SLC2A5: variants seen among roughly 807,000 people sequenced by gnomAD.
The protein encoded by SLC2A5 is solute carrier family 2, facilitated glucose transporter member 5.
A neutral mutation model predicts 50.3 loss-of-function variants in SLC2A5; 56 were observed. The ratio of observed to expected loss-of-function variants is 1.11; its 90% confidence interval spans 0.90 to 1.39. The LOEUF (loss-of-function observed/expected upper bound fraction) is 1.39. SLC2A5 is among the 40% of genes most tolerant of loss of function. The pLI, the probability that SLC2A5 is intolerant of heterozygous loss-of-function variation, is 0.00. For synonymous variants in SLC2A5, 269 were observed against 281.9 expected (o/e 0.95, Z 0.46); for missense variants, 566 against 650.1 (o/e 0.87, Z 1.41).
In SLC2A5 at chr1:9,057,579, G is replaced by A; in HGVS notation, c.162C>T (p.Tyr54=). 1.9e-6 allele frequency: 3 copies of A among 1,613,268 alleles called. No homozygotes were observed. The highest frequency in any genetic ancestry group is 2.5e-6 in the Non-Finnish European group (3 of 1,179,656). The change falls in exon 3 of 12, where the codon TAC becomes TAT. Residue 54 remains tyrosine, a synonymous_variant. Coordinates refer to ENST00000377424, the MANE Select transcript of SLC2A5 (RefSeq NM_003039.3). ...CCATGAATTCACCGGTCCTACCATA[G>A]TAAGTCTCATTGTAAAATTGTTGCA... is the stretch of plus-strand genomic sequence containing the variant. ...LLMQQFYNET[Y]YGRTGEFMED...
At chr1:9,068,658 G>C (rs1642145503) in intron 1 of SLC2A5, among the ~76,000 whole-genome samples, 1 of 151,908 alleles carries the variant, frequency 6.6e-6, no homozygotes, top group South Asian at 2.1e-4. Flanking sequence ...CACCATGTTG[G>C]CCAGGCTGGT....
chr1:9,037,754 G>C lies in SLC2A5; in HGVS notation c.1338C>G (p.Ala446=), dbSNP rs267598764. The change falls in exon 12 of 12, where the codon GCC becomes GCG. Residue 446 remains alanine, a synonymous_variant. Coordinates refer to ENST00000377424, the MANE Select transcript of SLC2A5 (RefSeq NM_003039.3). ...AGATGGTGGTGAGGAGGCAGATCAC[G>C]GCGAAGACAATGAAGCTGTACGGGC... The part of the protein sequence containing the change: ...GLGPYSFIVF[A]VICLLTTIYI... 1 of 1,614,172 alleles carries C rather than the reference G, an allele frequency of 6.2e-7. No homozygotes were observed. The highest frequency in any genetic ancestry group is 2.2e-5 in the East Asian group (1 of 44,884).
upstream of SLC2A5, among the ~76,000 whole-genome samples, chr1:9,092,840 C>A (rs551503377): frequency 7.9e-5 from 12 of 152,260 alleles, no homozygotes; most frequent in East Asian, 2.3e-3. Context: ...CCTCAGTCTT[C>A]AGGAAAGGTT....
intron 1 of SLC2A5, among the ~76,000 whole-genome samples, chr1:9,061,880 T>C (rs948865948): frequency 6.6e-6 from 1 of 152,140 alleles, no homozygotes; most frequent in African/African-American, 2.4e-5. Context: ...ACCGCTTTGA[T>C]GGGATCCCAG....
chr1:9,084,758 C>G (rs1283977651), intron 2 of SLC2A5, among the ~76,000 whole-genome samples: 6 of 152,194 alleles, frequency 3.9e-5, no homozygotes, highest in Non-Finnish European at 1.5e-5. Flanking sequence ...TTGGGTGGCC[C>G]TGGAACCAGA....
intron 1 of SLC2A5, among the ~76,000 whole-genome samples, chr1:9,088,203 T>C (rs1197278686): frequency 6.6e-6 from 1 of 151,244 alleles, no homozygotes; most frequent in Non-Finnish European, 1.5e-5. Context: ...TTTTCCTTCC[T>C]CTGGAACCCC....
chr1:9,061,058 G>T (rs924715962), intron 1 of SLC2A5, among the ~76,000 whole-genome samples: 1 of 151,952 alleles, frequency 6.6e-6, no homozygotes, highest in Non-Finnish European at 1.5e-5. Context: ...GTTGAGATGG[G>T]TAGACTGCTT....
chr1:9,087,830 C>T (rs1054490716), intron 1 of SLC2A5, among the ~76,000 whole-genome samples: 2 of 152,098 alleles, frequency 1.3e-5, no homozygotes, highest in Non-Finnish European at 2.9e-5. Context: ...GCACTTGCTC[C>T]CTCTTCCTTC....
chr1:9,064,339 G>A (rs1642028121), intron 1 of SLC2A5, among the ~76,000 whole-genome samples: 1 of 152,030 alleles, frequency 6.6e-6, no homozygotes, highest in Admixed American at 6.6e-5. Flanking sequence ...AGGATGTGCG[G>A]GTCTCTGGCC....
chr1:9,052,229 A>G (rs1413412464), intron 3 of SLC2A5, among the ~76,000 whole-genome samples: 7 of 152,202 alleles, frequency 4.6e-5, no homozygotes. Flanking sequence ...GGTTGCAGTG[A>G]GCCGAGATTG....
At chr1:9,039,431 T>C in intron 8 of SLC2A5, 121 bp downstream of exon 8, 1 of 675,774 alleles carries the variant, frequency 1.5e-6, no homozygotes, top group Non-Finnish European at 2.4e-6. Context: ...AGAGTTTCTG[T>C]AGTAGCGGCT....
intron 1 of SLC2A5, 39 bp from the exon 2 acceptor site, chr1:9,058,289 G>T: frequency 6.9e-7 from 1 of 1,442,418 alleles, no homozygotes; most frequent in South Asian, 1.1e-5. Context: ...GCAGCCCCAG[G>T]GTTCCAGGGC....
In SLC2A5 at chr1:9,037,586, T is replaced by C; in HGVS notation, c.1506A>G (p.Ter502TrpextTer27). 2 of 1,613,680 alleles carry C rather than the reference T, an allele frequency of 1.2e-6. No homozygotes were observed. The change falls in exon 12 of 12, where the codon TGA (stop) becomes TGG (tryptophan). Residue 502 changes from the stop codon to tryptophan (W), a stop_lost. Transcript: ENST00000377424. ...AGCTCCACTGGCTTCCTCTCCAGAG[T>C]CACTGTTCCGAAGTGACAGGTGGAA... Reference protein sequence around the residue: ...KELPPVTSEQ* With the variant: ...KELPPVTSEQW
chr1:9,088,654 G>T (rs1037386408), upstream of SLC2A5, among the ~76,000 whole-genome samples: 1 of 152,156 alleles, frequency 6.6e-6, no homozygotes, highest in Non-Finnish European at 1.5e-5. Context: ...GTGGTGGCGG[G>T]TGCCTGTAGT....
In SLC2A5 at chr1:9,058,080, C is replaced by T. The variant is rs1403699053; in HGVS notation, c.132+72G>A. ...GACCCACTGCGTGAACAGCCCCACG[C>T]TGGCCAGTCCCACCCAGGCAATGGG... On this transcript the variant is annotated intron_variant, in intron 2 of 11. Coordinates refer to ENST00000377424, the MANE Select transcript of SLC2A5 (RefSeq NM_003039.3). 8 of 1,138,002 alleles carry T rather than the reference C, an allele frequency of 7.0e-6. No individual in the cohort carries two copies. In the East Asian group the frequency reaches 1.9e-4, roughly 27 times the overall value. The allele number at this position is 1,138,002 out of a possible 1,614,324, so 70.5% of individuals were successfully genotyped here.
At chr1:9,060,472 A>C in intron 1 of SLC2A5, among the ~76,000 whole-genome samples, 1 of 143,686 alleles carries the variant, frequency 7.0e-6, no homozygotes. Context: ...CCCCACACAT[A>C]CACACCCATA....
chr1:9,052,703 T>G (rs1641609286), intron 3 of SLC2A5, among the ~76,000 whole-genome samples: 1 of 152,170 alleles, frequency 6.6e-6, no homozygotes, highest in South Asian at 2.1e-4. Context: ...TATGTGAGCC[T>G]AAAACTGCTC....
chr1:9,057,236 A>G (rs1246615133), intron 3 of SLC2A5, among the ~76,000 whole-genome samples: 2 of 151,472 alleles, frequency 1.3e-5, no homozygotes, highest in African/African-American at 4.9e-5. Flanking sequence ...CGGTGAGCCA[A>G]GATCGCGCCA....
chr1:9,053,349 ATTT>A (rs1641654185), intron 3 of SLC2A5, among the ~76,000 whole-genome samples: 2 of 63,956 alleles, frequency 3.1e-5, no homozygotes, highest in African/African-American at 5.8e-5. Flanking sequence ...TACTATATAT[ATTT>A]ATATATATTA....
Sources: gnomAD v4.1 joint callset for allele counts (sites outside exome capture counted in the v4.1 genomes callset) on GRCh38, gnomAD v4.1.1 for gene constraint, MANE v1.5 for transcripts, NCBI Gene and HGNC (gene_info 2026-07-23, HGNC 2026-07-21) for gene names.